Variants in SYT14 observed in about 807,000 individuals in gnomAD.
The protein encoded by SYT14 is synaptotagmin 14.
Under a neutral mutation model 74.2 loss-of-function variants are expected in SYT14, and 32 were observed. That is an observed-to-expected ratio of 0.43 (90% CI 0.33 to 0.58). The LOEUF is 0.58. Among genes scored for constraint, SYT14 ranks in the 20% least tolerant of loss-of-function variants. The probability of loss-of-function intolerance (pLI) is 0.05; values close to 1 mark genes in which losing one functional copy is unlikely to be tolerated. For missense variants in SYT14, 791 were observed against 981.8 expected, an observed-to-expected ratio of 0.81 and a Z score of 2.60; for synonymous variants, 298 against 337.7, an observed-to-expected ratio of 0.88 and a Z score of 1.29.
chr1:209,995,893 G>A (rs1249215810), intron 2 of SYT14, among the ~76,000 whole-genome samples: 1 of 151,996 alleles, frequency 6.6e-6, no homozygotes, highest in Admixed American at 6.6e-5. Flanking sequence ...CTGTGGGAAC[G>A]TTGAAATTAA....
intron 7 of SYT14, among the ~76,000 whole-genome samples, chr1:210,133,988 G>T (rs2082730279): frequency 6.6e-6 from 1 of 151,932 alleles, no homozygotes; most frequent in Non-Finnish European, 1.5e-5. Flanking sequence ...GGAGCTTTTG[G>T]CAGGATTACA....
At chr1:210,053,660 A>G (rs2081043923) in intron 5 of SYT14, among the ~76,000 whole-genome samples, 1 of 152,190 alleles carries the variant, frequency 6.6e-6, no homozygotes, top group Admixed American at 6.5e-5. Flanking sequence ...AGCATTCATT[A>G]GGTAATTTTG....
At chr1:210,073,723 A>G (rs1004544314) in intron 5 of SYT14, among the ~76,000 whole-genome samples, 2 of 151,836 alleles carry the variant, frequency 1.3e-5, no homozygotes, top group African/African-American at 2.4e-5. Context: ...TTCTAAAATC[A>G]TTTGTTCTTT....
chr1:210,162,809 T>G (rs915482647), exon 10 of SYT14: 2 of 451,370 alleles, frequency 4.4e-6, no homozygotes, highest in African/African-American at 4.0e-5. Context: ...TTCATACACA[T>G]GAATTATAAG....
chr1:210,073,363 G>C (rs1473240222), intron 5 of SYT14, among the ~76,000 whole-genome samples: 3 of 151,888 alleles, frequency 2.0e-5, no homozygotes, highest in African/African-American at 7.2e-5. Context: ...ACATTGTGAA[G>C]CACTTAACTG....
rs553843981 is a variant in SYT14, at chr1:210,149,795, T to C, written c.2035-5926T>C. ...TCTTCCTTGGCTCCTGCAAGGCTAA[T>C]AACTGCACAGCAAGAGCCTGTGGAG... is the stretch of plus-strand genomic sequence containing the variant. On this transcript the variant is annotated intron_variant, in intron 7 of 9. Coordinates refer to ENST00000637265, the Ensembl canonical transcript of SYT14. 8.5e-5 allele frequency among the ~76,000 whole-genome samples: 13 copies of C among 152,312 alleles called. No individual in the cohort carries two copies. The South Asian group carries it at 2.7e-3, about 32-fold the overall frequency.
intron 7 of SYT14, among the ~76,000 whole-genome samples, chr1:210,128,706 G>A (rs1014892254): frequency 5.3e-5 from 8 of 152,086 alleles, no homozygotes; most frequent in African/African-American, 1.9e-4. Context: ...TATGGAATAC[G>A]AACAGTGTCT....
intron 2 of SYT14, among the ~76,000 whole-genome samples, chr1:209,985,661 C>T (rs1160547763): frequency 1.3e-5 from 2 of 152,242 alleles, no homozygotes; most frequent in Non-Finnish European, 2.9e-5. Flanking sequence ...TCCCTCTGCA[C>T]TGCTCTAGTA....
intron 5 of SYT14, among the ~76,000 whole-genome samples, chr1:210,064,652 A>G (rs2081264933): frequency 6.6e-6 from 1 of 152,032 alleles, no homozygotes; most frequent in African/African-American, 2.4e-5. Flanking sequence ...CATTTTGCCT[A>G]TCCATTCATC....
intron 2 of SYT14, among the ~76,000 whole-genome samples, chr1:209,972,330 A>G (rs2079270665): frequency 6.6e-6 from 1 of 151,618 alleles, no homozygotes; most frequent in Non-Finnish European, 1.5e-5. Context: ...GATTCTTCGT[A>G]TGGATTTGGG....
At chr1:210,083,391 A>G (rs2081655379) in intron 5 of SYT14, among the ~76,000 whole-genome samples, 1 of 152,184 alleles carries the variant, frequency 6.6e-6, no homozygotes, top group Non-Finnish European at 1.5e-5. Flanking sequence ...TTCTAATAAA[A>G]TGTATCTGAA....
intron 2 of SYT14, among the ~76,000 whole-genome samples, chr1:209,976,750 G>A (rs1182215817): frequency 6.6e-6 from 1 of 152,128 alleles, no homozygotes; most frequent in African/African-American, 2.4e-5. Flanking sequence ...TTCAATTCCT[G>A]GATATCCTTG....
intron 5 of SYT14, among the ~76,000 whole-genome samples, chr1:210,076,117 A>G (rs1235185952): frequency 6.6e-6 from 1 of 152,142 alleles, no homozygotes; most frequent in Non-Finnish European, 1.5e-5. Context: ...AGTAAGAGCC[A>G]TTTTCTCCAC....
rs568289371 is a variant in SYT14 at position 209,992,764 on chromosome 1, A to G, written c.-485-20869A>G. On this transcript the variant is annotated intron_variant, in intron 2 of 9. Transcript: ENST00000637265. ...GATGGCCTACTAGACACAGGGAGGA[A>G]GTACCATTCACACTGAGAGAGACCA... Among the ~76,000 whole-genome samples, 187 of 152,304 alleles carry G rather than the reference A, an allele frequency of 1.2e-3. 1 individual carries two copies. Among genetic ancestry groups the G allele is most frequent in the African/African-American group, 4.4e-3 (184 of 41,566 alleles).
chr1:210,021,444 A>G (rs575039070), intron 5 of SYT14, among the ~76,000 whole-genome samples, 190 bp downstream of exon 4: 6 of 152,320 alleles, frequency 3.9e-5, no homozygotes, highest in African/African-American at 1.4e-4. Context: ...CAATACCAAA[A>G]CACCCCAAAG....
At position 210,161,713 on chromosome 1, in the gene SYT14, C is replaced by T. The variant is rs370999226; in HGVS notation, c.*671C>T. ...TTAAAAGTTCATTTTTCATTTGCCTCCGCTTTCGCCTGATCCAAAGAGACC... is the reference window on the plus strand; with the variant it reads ...TTAAAAGTTCATTTTTCATTTGCCTTCGCTTTCGCCTGATCCAAAGAGACC... On this transcript the variant is annotated 3_prime_UTR_variant, in exon 10 of 10. Coordinates refer to ENST00000637265, the Ensembl canonical transcript of SYT14. 8 of 453,656 alleles carry T rather than the reference C, an allele frequency of 1.8e-5. 1 individual carries two copies. The highest frequency in any genetic ancestry group is 1.4e-4 in the East Asian group (2 of 14,402). The allele number at this position is 453,656 out of a possible 1,614,324, so 28.1% of individuals were successfully genotyped here. A position where few individuals can be genotyped will look rare whatever the true frequency, so the allele number is the denominator to read the frequency against.
intron 5 of SYT14, among the ~76,000 whole-genome samples, chr1:210,037,395 C>G (rs922093444): frequency 6.6e-6 from 1 of 151,850 alleles, no homozygotes; most frequent in African/African-American, 2.4e-5. Context: ...TTTGCATGAT[C>G]CTTTGTAATT....
At chr1:210,072,636 T>C (rs1022614182) in intron 5 of SYT14, among the ~76,000 whole-genome samples, 3 of 151,994 alleles carry the variant, frequency 2.0e-5, no homozygotes, top group Non-Finnish European at 4.4e-5. Flanking sequence ...GATACAAATA[T>C]AGTATTTGCT....
chr1:210,000,642 T>A (rs557523370), intron 2 of SYT14, among the ~76,000 whole-genome samples: 1 of 135,294 alleles, frequency 7.4e-6, no homozygotes, highest in South Asian at 2.3e-4. Flanking sequence ...TGAGATAGAG[T>A]CTCACTGTGT....
Sources: gnomAD v4.1 joint callset for allele counts (sites outside exome capture counted in the v4.1 genomes callset) on GRCh38, gnomAD v4.1.1 for gene constraint, MANE v1.5 for transcripts, NCBI Gene and HGNC (gene_info 2026-07-23, HGNC 2026-07-21) for gene names.